The following COLGALT2 variants were observed in gnomAD, a reference collection of about 807,000 sequenced individuals.
The protein encoded by COLGALT2 is procollagen galactosyltransferase 2.
Under a neutral mutation model 73.4 loss-of-function variants are expected in COLGALT2, and 49 were observed. The ratio of observed to expected loss-of-function variants is 0.67; its 90% CI spans 0.53 to 0.85. The LOEUF is 0.85. Among genes scored for constraint, COLGALT2 ranks in the 40% least tolerant of loss-of-function variants. COLGALT2 has a pLI of 0.00. For missense variants in COLGALT2, 722 were observed against 790.2 expected, an observed-to-expected ratio of 0.91 and a Z score of 1.03; for synonymous variants, 295 against 307.6, an observed-to-expected ratio of 0.96 and a Z score of 0.43.
chr1:183,962,909 C>T (rs1455163098), intron 6 of COLGALT2, among the ~76,000 whole-genome samples: 1 of 152,208 alleles, frequency 6.6e-6, no homozygotes, highest in Non-Finnish European at 1.5e-5. Context: ...TACATCAGAG[C>T]CTCTTGGCGG....
Position 183,937,193 on chromosome 1 carries a change from C to T in COLGALT2, c.*1568G>A. ...CCTCCCCATGAGTTTAAGTGTGAAG[C>T]TCAGGGTTTGGGGTGTGCACGGCCC... On this transcript the variant is annotated 3_prime_UTR_variant, in exon 12 of 12. Transcript: ENST00000361927. 2.5e-6 allele frequency: 3 copies of T among 1,223,432 alleles called. No individual in the cohort carries two copies. In the South Asian group the frequency reaches 1.3e-4, roughly 52 times the overall value. 75.8% of individuals were successfully genotyped at this position (1,223,432 alleles called of 1,614,324 possible). A position where few individuals can be genotyped will look rare whatever the true frequency, so the allele number is the denominator to read the frequency against.
chr1:183,963,437 A>C (rs1372151593), intron 6 of COLGALT2, among the ~76,000 whole-genome samples: 1 of 152,238 alleles, frequency 6.6e-6, no homozygotes, highest in African/African-American at 2.4e-5. Flanking sequence ...TATCTGTTAC[A>C]TCATGAGCTA....
At chr1:183,952,328 C>A (rs989229503) in intron 7 of COLGALT2, among the ~76,000 whole-genome samples, 1 of 152,150 alleles carries the variant, frequency 6.6e-6, no homozygotes, top group African/African-American at 2.4e-5. Flanking sequence ...TTCATCCTGA[C>A]TAACCATCTG....
chr1:183,934,333 T>C (rs528631049), downstream of COLGALT2, among the ~76,000 whole-genome samples: 13 of 152,304 alleles, frequency 8.5e-5, 1 homozygote, highest in South Asian at 2.7e-3. Context: ...CACACTTTGG[T>C]TCTTGTCTCA....
chr1:184,001,669 T>C (rs114336198), intron 1 of COLGALT2, among the ~76,000 whole-genome samples: 1,875 of 152,346 alleles, frequency 0.012, 37 homozygotes, highest in African/African-American at 0.043. Context: ...CATTTTCATA[T>C]ATGCAGATAA....
chr1:184,004,772 C>T (rs1672025236), intron 1 of COLGALT2, among the ~76,000 whole-genome samples: 1 of 152,082 alleles, frequency 6.6e-6, no homozygotes, highest in African/African-American at 2.4e-5. Flanking sequence ...CACAGGGAGC[C>T]ACTGCACAGG....
chr1:183,995,515 T>G (rs1572664470), intron 1 of COLGALT2, among the ~76,000 whole-genome samples: 1 of 151,862 alleles, frequency 6.6e-6, no homozygotes, highest in Non-Finnish European at 1.5e-5. Flanking sequence ...TTCCAGAGAG[T>G]TCTTCAAGCA....
At position 184,003,898 on chromosome 1, in the gene COLGALT2, T is replaced by C. The variant is rs111913608; in HGVS notation, c.264-25378A>G. On this transcript the variant is annotated intron_variant, in intron 1 of 11. Transcript: ENST00000361927. ...AAAGCCCAAATCCCCACTGAGCACA[T>C]GTGAAAAAGTCCAAAGAAGACGAAG... Among the ~76,000 whole-genome samples the C allele has an allele frequency of 8.0e-3, 1,217 of 152,272 alleles. 12 individuals carry two copies. The highest frequency in any genetic ancestry group is 0.027 in the African/African-American group (1,133 of 41,532).
chr1:184,008,235 G>A (rs1672135377), intron 1 of COLGALT2, among the ~76,000 whole-genome samples: 1 of 152,070 alleles, frequency 6.6e-6, no homozygotes, highest in Non-Finnish European at 1.5e-5. Context: ...TTTTATAAAT[G>A]ACAGGCCTGT....
chr1:184,025,049 C>T (rs1481714114), intron 1 of COLGALT2, among the ~76,000 whole-genome samples: 1 of 152,358 alleles, frequency 6.6e-6, no homozygotes, highest in African/African-American at 2.4e-5. Context: ...TAGACAAACA[C>T]CAGCAGTTCC....
chr1:183,958,591 T>C (rs1026462650), intron 6 of COLGALT2, among the ~76,000 whole-genome samples: 1 of 151,558 alleles, frequency 6.6e-6, no homozygotes, highest in African/African-American at 2.4e-5. Flanking sequence ...AGAAAGAAAA[T>C]ATTCAAAATC....
chr1:183,962,678 T>C (rs28619984), intron 6 of COLGALT2, among the ~76,000 whole-genome samples: 10,451 of 152,202 alleles, frequency 0.069, 444 homozygotes, highest in Middle Eastern at 0.15. Context: ...CTAGCTCAGG[T>C]CCTCACCACC....
intron 4 of COLGALT2, 96 bp downstream of exon 4, chr1:183,973,520 A>G (rs972631541): frequency 1.4e-6 from 2 of 1,470,330 alleles, no homozygotes; most frequent in Non-Finnish European, 1.9e-6. Context: ...GCATGTTTCA[A>G]GGGAGTAAAC....
rs1228384983 is a variant in COLGALT2 at position 183,969,272 on chromosome 1, C to T, written c.829G>A (p.Ala277Thr). 1.9e-6 allele frequency: 3 copies of T among 1,610,004 alleles called. No homozygotes were observed. Among genetic ancestry groups the T allele is most frequent in the Non-Finnish European group, 2.5e-6 (3 of 1,177,864 alleles). The change falls in exon 5 of 12, where the codon GCA (alanine) becomes ACA (threonine). Residue 277 changes from alanine to threonine, a missense_variant. Physicochemically the swap from Ala to Thr is moderately conservative, Grantham distance 58 (BLOSUM62 0). Transcript: ENST00000361927. The part of the protein sequence containing the change: ...IIVFAFSSRQ[A>T]GIQMYLCNRE... ...TACAACCAAAGACAAACAGTACCTG[C>T]TTGCCTGCTGGAGAAGGCAAAGACA...
At chr1:183,973,506 A>G (rs1412225145) in intron 4 of COLGALT2, 110 bp downstream of exon 4, 1 of 1,366,438 alleles carries the variant, frequency 7.3e-7, no homozygotes. Context: ...GAACACAATG[A>G]CACGCATGTT....
chr1:183,933,890 G>T (rs1264108664), downstream of COLGALT2, among the ~76,000 whole-genome samples: 1 of 152,184 alleles, frequency 6.6e-6, no homozygotes, highest in Non-Finnish European at 1.5e-5. Flanking sequence ...TAAAGAGAAG[G>T]CAATCCTCAG....
chr1:183,933,031 G>C (rs1381083617), downstream of COLGALT2, among the ~76,000 whole-genome samples: 1 of 152,176 alleles, frequency 6.6e-6, no homozygotes. Flanking sequence ...CCAAGCATTG[G>C]GGGCACTGGA....
chr1:183,995,216 A>G (rs1048222204), intron 1 of COLGALT2, among the ~76,000 whole-genome samples: 1 of 152,238 alleles, frequency 6.6e-6, no homozygotes, highest in Non-Finnish European at 1.5e-5. Flanking sequence ...AGTGAAAGAA[A>G]TAAGTGCTAT....
At position 183,936,825 on chromosome 1, in the gene COLGALT2, A is replaced by T. The variant is rs185712029; in HGVS notation, c.*1936T>A. The T allele has an allele frequency of 8.1e-7, 1 of 1,231,708 alleles. No homozygotes were observed. The highest frequency in any genetic ancestry group is 3.2e-5 in the East Asian group (1 of 31,686). 76.3% of individuals were successfully genotyped at this position (1,231,708 alleles called of 1,614,324 possible). On this transcript the variant is annotated 3_prime_UTR_variant, in exon 12 of 12. Coordinates refer to ENST00000361927, the MANE Select transcript of COLGALT2 (RefSeq NM_015101.4). ...GAGTTGGGTGAGTTCCCTTTCCTCC[A>T]GCGGCCTAGCTTGCTGGTCAGTGTA... is the stretch of plus-strand genomic sequence containing the variant.
Sources: gnomAD v4.1 joint callset for allele counts (sites outside exome capture counted in the v4.1 genomes callset) on GRCh38, gnomAD v4.1.1 for gene constraint, MANE v1.5 for transcripts, NCBI Gene and HGNC (gene_info 2026-07-23, HGNC 2026-07-21) for gene names.